CIB1: variants seen among roughly 807,000 people sequenced by gnomAD.
CIB1 encodes the protein calcium and integrin binding 1, also known as calcium and integrin-binding protein 1.
CIB1 carries 19 observed loss-of-function variants against 25.0 expected under a neutral mutation model. The ratio of observed to expected loss-of-function variants is 0.76; its 90% CI spans 0.53 to 1.12. CIB1 has a LOEUF of 1.12. CIB1 is among the 50% of genes most tolerant of loss of function. The pLI is 0.00. For missense variants in CIB1, 236 were observed against 242.6 expected (o/e 0.97, Z 0.18); for synonymous variants, 104 against 98.5 (o/e 1.06, Z -0.33).
At chr15:90,232,721 A>C (rs1456039246) in intron 2 of CIB1, among the ~76,000 whole-genome samples, 1 of 152,258 alleles carries the variant, frequency 6.6e-6, no homozygotes, top group East Asian at 1.9e-4. Flanking sequence ...AGTCTGAGCA[A>C]CATGGTGAAC....
the CIB1 span, among the ~76,000 whole-genome samples, chr15:90,252,795 G>A: frequency 2.0e-5 from 3 of 152,144 alleles, no homozygotes; most frequent in Non-Finnish European, 4.4e-5. Context: ...CTGAGGTCAG[G>A]AGTTCGAGAC....
chr15:90,258,371 G>A, the CIB1 span: 7 of 1,026,894 alleles, frequency 6.8e-6, no homozygotes, highest in Non-Finnish European at 1.0e-5. Context: ...CACAGAATGG[G>A]AGATGTGAAA....
chr15:90,241,460 T>C, the CIB1 span: 1 of 1,613,622 alleles, frequency 6.2e-7, no homozygotes, highest in Non-Finnish European at 8.5e-7. Context: ...TGCTGCCGGG[T>C]GCACTGAGGG....
the CIB1 span, chr15:90,250,994 C>T: frequency 7.1e-7 from 1 of 1,405,232 alleles, no homozygotes; most frequent in East Asian, 2.3e-5. Flanking sequence ...CTTTAGCCTA[C>T]AAAAGAGGAC....
upstream of CIB1, among the ~76,000 whole-genome samples, chr15:90,236,824 T>C (rs1433416458): frequency 6.6e-6 from 1 of 152,030 alleles, no homozygotes; most frequent in Non-Finnish European, 1.5e-5. Context: ...GCCCGGCCTC[T>C]CATGGTAGAT....
At chr15:90,262,209 C>T in the CIB1 span, 1 of 1,515,704 alleles carries the variant, frequency 6.6e-7, no homozygotes, top group Middle Eastern at 1.7e-4. Context: ...GACCGACATT[C>T]TCCTCTGCAC....
chr15:90,231,798 G>A (rs995603366), intron 3 of CIB1, among the ~76,000 whole-genome samples: 4 of 152,228 alleles, frequency 2.6e-5, no homozygotes, highest in African/African-American at 9.6e-5. Flanking sequence ...CCTAAACAAA[G>A]GGAACGAGAT....
chr15:90,234,008 G>A (rs1962575167), upstream of CIB1: 3 of 1,132,762 alleles, frequency 2.6e-6, no homozygotes, highest in Non-Finnish European at 3.6e-6. Flanking sequence ...CACCACCCCC[G>A]GGCCCGCCCC....
rs1962445089 is a variant in CIB1, at chr15:90,230,367, GC to G, written c.*116del. ...CCTGCCCGGGGTGAGGCTGCACAGCGCCAGCTCCAGGCTGGGCCAGCTTGGC... is the reference window on the plus strand; with the variant it reads ...CCTGCCCGGGGTGAGGCTGCACAGCGCAGCTCCAGGCTGGGCCAGCTTGGC... On this transcript the variant is annotated 3_prime_UTR_variant, in exon 7 of 7. Coordinates refer to ENST00000328649, the MANE Select transcript of CIB1 (RefSeq NM_006384.4). The G allele has an allele frequency of 1.6e-6, 2 of 1,219,130 alleles. No homozygotes were observed. Among genetic ancestry groups the G allele is most frequent in the Admixed American group, 4.3e-5 (2 of 46,520 alleles). The allele number at this position is 1,219,130 out of a possible 1,614,324, so 75.5% of individuals were successfully genotyped here.
Position 90,232,295 on chromosome 15 carries a change from T to G in CIB1, c.119A>C (p.Gln40Pro), listed in dbSNP as rs144124621. The G allele has an allele frequency of 3.0e-4, 487 of 1,611,478 alleles. 3 individuals carry two copies. The East Asian group carries it at 9.7e-3, about 32-fold the overall frequency. Residue 40 changes from glutamine (Q) to proline (P), a missense_variant, in exon 3 of 7, where the codon CAG (glutamine) becomes CCG (proline). Gln to Pro is a moderately conservative substitution (Grantham distance 76). Transcript: ENST00000328649. Reference protein sequence around the residue: ...AHRRFCELLPQEQRSVESSLR... With the variant: ...AHRRFCELLPPEQRSVESSLR... ...TGACGACTCCACGCTCCGCTGCTCC[T>G]GGGGAAGCAGCTCACAAAACCGCCT...
chr15:90,254,515 G>A, the CIB1 span, among the ~76,000 whole-genome samples: 14 of 111,150 alleles, frequency 1.3e-4, no homozygotes, highest in Admixed American at 6.4e-4. Context: ...AAAAAAGGAC[G>A]CTCCAAAGGA....
the CIB1 span, chr15:90,251,626 T>C: frequency 6.2e-7 from 1 of 1,609,576 alleles, no homozygotes; most frequent in Non-Finnish European, 8.5e-7. Flanking sequence ...CACACTGTGG[T>C]GCATAACATG....
chr15:90,258,534 G>C, the CIB1 span: 48 of 615,356 alleles, frequency 7.8e-5, no homozygotes, highest in South Asian at 8.3e-4. Flanking sequence ...ACACTATCTA[G>C]AGAGGCAGGC....
chr15:90,261,866 T>C, the CIB1 span: 1 of 624,136 alleles, frequency 1.6e-6, no homozygotes, highest in Non-Finnish European at 2.6e-6. Context: ...AAAGATGGGC[T>C]TGGCAGCTTT....
At chr15:90,257,433 T>C in the CIB1 span, 2 of 1,250,206 alleles carry the variant, frequency 1.6e-6, no homozygotes, top group Non-Finnish European at 2.2e-6. Context: ...AAGTGTTTGG[T>C]AGGTGGTGAA....
the CIB1 span, among the ~76,000 whole-genome samples, chr15:90,247,302 T>C: frequency 2.1e-4 from 31 of 149,132 alleles, 1 homozygote; most frequent in African/African-American, 7.0e-4. Context: ...TTTTTTCTTT[T>C]TTTTTTTTTT....
chr15:90,240,853 G>T, the CIB1 span: 1 of 1,134,240 alleles, frequency 8.8e-7, no homozygotes, highest in Non-Finnish European at 1.3e-6. Flanking sequence ...GACAATCTCT[G>T]GAGGTGGGTT....
At chr15:90,260,522 A>T in the CIB1 span, among the ~76,000 whole-genome samples, 1 of 151,764 alleles carries the variant, frequency 6.6e-6, no homozygotes, top group Admixed American at 6.6e-5. Flanking sequence ...AAAATAAAAT[A>T]AAAATATTGT....
In CIB1 at chr15:90,230,313, G is replaced by C. The variant is rs1489186794; in HGVS notation, c.*171C>G. On this transcript the variant is annotated 3_prime_UTR_variant, in exon 7 of 7. Transcript: ENST00000328649. ...CAAACGGAGCAATGACAACAGCAGT[G>C]AGGAGAGGCCCTGACAACGAGGGCC... 1 of 663,070 alleles carries C rather than the reference G, an allele frequency of 1.5e-6. No individual in the cohort carries two copies. Among genetic ancestry groups the C allele is most frequent in the Non-Finnish European group, 2.7e-6 (1 of 373,654 alleles). The allele number at this position is 663,070 out of a possible 1,614,324, so 41.1% of individuals were successfully genotyped here.
Sources: gnomAD v4.1 joint callset for allele counts (sites outside exome capture counted in the v4.1 genomes callset) on GRCh38, gnomAD v4.1.1 for gene constraint, MANE v1.5 for transcripts, NCBI Gene and HGNC (gene_info 2026-07-23, HGNC 2026-07-21) for gene names.